PPP1R2: variants seen among roughly 807,000 people sequenced by gnomAD.
PPP1R2 encodes protein phosphatase 1 regulatory inhibitor subunit 2.
PPP1R2 carries 16 observed loss-of-function variants against 29.9 expected under a neutral mutation model. The ratio of observed to expected loss-of-function variants is 0.53; its 90% CI spans 0.36 to 0.81. The LOEUF (loss-of-function observed/expected upper bound fraction) is 0.81. PPP1R2 is among the 30% of genes least tolerant of loss of function. PPP1R2 has a pLI of 0.00. For synonymous variants in PPP1R2, 76 were observed against 91.5 expected, an observed-to-expected ratio of 0.83 and a Z score of 0.96; for missense variants, 197 against 252.7, an observed-to-expected ratio of 0.78 and a Z score of 1.49.
intron 1 of PPP1R2, among the ~76,000 whole-genome samples, chr3:195,532,630 C>T (rs1205187368): frequency 1.3e-5 from 2 of 152,094 alleles, no homozygotes; most frequent in Admixed American, 1.3e-4. Flanking sequence ...AAAAAATCTT[C>T]TCTTGGACTC....
Position 195,519,063 on chromosome 3 carries a change from C to T in PPP1R2, c.526G>A (p.Glu176Lys), listed in dbSNP as rs1323256416. The change falls in exon 5 of 6, where the codon GAG (glutamate) becomes AAG (lysine). Residue 176 changes from glutamate to lysine, a missense_variant. Physicochemically the swap from Glu to Lys is moderately conservative, Grantham distance 56. Coordinates refer to ENST00000618156, the MANE Select transcript of PPP1R2 (RefSeq NM_006241.8). ...HDDDEDEEML[E>K]TADGESMNTE... ...TTCATGCTTTCTCCATCTGCAGTCT[C>T]TAACATTTCTTCATCTTCATCATCA... 6 of 1,606,424 alleles carry T rather than the reference C, an allele frequency of 3.7e-6. No individual in the cohort carries two copies. The highest frequency in any genetic ancestry group is 5.1e-6 in the Non-Finnish European group (6 of 1,173,772).
At chr3:195,521,583 T>C (rs956935961) in intron 4 of PPP1R2, among the ~76,000 whole-genome samples, 1 of 152,100 alleles carries the variant, frequency 6.6e-6, no homozygotes, top group Non-Finnish European at 1.5e-5. Context: ...AAATATATTG[T>C]GCATTTGTTC....
chr3:195,528,584 GCAGTTACCT>G (rs1169015365), intron 2 of PPP1R2: 2 of 151,666 alleles, frequency 1.3e-5, no homozygotes, highest in Non-Finnish European at 2.9e-5. Flanking sequence ...AATGGAAACA[GCAGTTACCT>G]CTATTTTAAT....
At chr3:195,525,813 T>G (rs1186768049) in intron 2 of PPP1R2, among the ~76,000 whole-genome samples, 2 of 152,180 alleles carry the variant, frequency 1.3e-5, no homozygotes, top group Admixed American at 6.5e-5. Context: ...GTTTATACAT[T>G]TCCTGGTTAA....
In PPP1R2 at chr3:195,518,583, G is replaced by A. The variant is rs976142991; in HGVS notation, c.571+435C>T. 1.3e-4 allele frequency among the ~76,000 whole-genome samples: 20 copies of A among 151,894 alleles called. 1 individual carries two copies. Among genetic ancestry groups the A allele is most frequent in the East Asian group, 1.9e-4 (1 of 5,160 alleles). On this transcript the variant is annotated intron_variant, in intron 5 of 5. Transcript: ENST00000618156. Reference sequence around the variant, plus strand: ...GGAGAATGGCGGGAACCCAGGAGGCGGAGCTTGCAGTGAGCCGAGATCACG... The same window carrying A: ...GGAGAATGGCGGGAACCCAGGAGGCAGAGCTTGCAGTGAGCCGAGATCACG...
In PPP1R2 at chr3:195,519,039, T is replaced by A; in HGVS notation, c.550A>T (p.Asn184Tyr). The A allele has an allele frequency of 6.2e-7, 1 of 1,604,744 alleles. No homozygotes were observed. Among genetic ancestry groups the A allele is most frequent in the Non-Finnish European group, 8.5e-7 (1 of 1,172,534 alleles). Residue 184 changes from asparagine to tyrosine, a missense_variant, in exon 5 of 6, where the codon AAT (asparagine) becomes TAT (tyrosine). Coordinates refer to ENST00000618156, the MANE Select transcript of PPP1R2 (RefSeq NM_006241.8). The stretch of plus-strand genomic sequence containing the variant: ...TAACCTTGATTTGATTCTTCCGTAT[T>A]CATGCTTTCTCCATCTGCAGTCTCT... ...MLETADGESMNTEESNQGSTP... is the reference protein window; with the variant it reads ...MLETADGESMYTEESNQGSTP...
chr3:195,530,560 C>G (rs1719138763), intron 1 of PPP1R2, among the ~76,000 whole-genome samples: 1 of 152,252 alleles, frequency 6.6e-6, no homozygotes, highest in Admixed American at 6.5e-5. Flanking sequence ...GAGTCTCACT[C>G]TGTTGCCCAG....
At chr3:195,542,458 G>T (rs542361628) in intron 1 of PPP1R2, among the ~76,000 whole-genome samples, 1 of 152,164 alleles carries the variant, frequency 6.6e-6, no homozygotes, top group African/African-American at 2.4e-5. Flanking sequence ...GTGGCACAAT[G>T]CTAATGGGGG....
At chr3:195,534,939 A>G (rs1719320207) in intron 1 of PPP1R2, among the ~76,000 whole-genome samples, 1 of 152,084 alleles carries the variant, frequency 6.6e-6, no homozygotes, top group Non-Finnish European at 1.5e-5. Flanking sequence ...TCAACCCTAT[A>G]AAGGTGTCAA....
chr3:195,530,230 C>T (rs1026720091), intron 1 of PPP1R2, among the ~76,000 whole-genome samples: 5 of 152,162 alleles, frequency 3.3e-5, no homozygotes, highest in Admixed American at 1.3e-4. Flanking sequence ...TCTATACATT[C>T]GCTGAAGTCA....
At position 195,519,073 on chromosome 3, in the gene PPP1R2, T is replaced by C. The variant is rs1361320065; in HGVS notation, c.516A>G (p.Glu172=). 2.5e-6 allele frequency: 4 copies of C among 1,605,876 alleles called. No homozygotes were observed. The highest frequency in any genetic ancestry group is 3.4e-6 in the Non-Finnish European group (4 of 1,172,736). The change falls in exon 5 of 6, where the codon GAA becomes GAG. Residue 172 remains glutamate, a synonymous_variant. Coordinates refer to ENST00000618156, the MANE Select transcript of PPP1R2 (RefSeq NM_006241.8). The part of the protein sequence containing the change: ...SKDLHDDDED[E]EMLETADGES... ...CTCCATCTGCAGTCTCTAACATTTC[T>C]TCATCTTCATCATCATCATGTAGGT...
chr3:195,528,742 G>T (rs2108946325), intron 2 of PPP1R2: 2 of 85,418 alleles, frequency 2.3e-5, no homozygotes, highest in Non-Finnish European at 4.3e-5. Flanking sequence ...TGTAGAAAGA[G>T]TCTTACTATG....
chr3:195,530,211 A>G (rs193252366), intron 1 of PPP1R2, among the ~76,000 whole-genome samples: 178 of 152,358 alleles, frequency 1.2e-3, no homozygotes, highest in African/African-American at 4.0e-3. Flanking sequence ...AAAATAATGC[A>G]AGTCAAAATC....
chr3:195,541,452 T>G (rs1719592187), intron 1 of PPP1R2, among the ~76,000 whole-genome samples: 1 of 134,168 alleles, frequency 7.5e-6, no homozygotes. Context: ...TTTCTTTTCT[T>G]TCCTTTTTTT....
In PPP1R2 at chr3:195,516,665, CTGA is replaced by C; in HGVS notation, c.*228_*230del. On this transcript the variant is annotated 3_prime_UTR_variant, in exon 6 of 6. Transcript: ENST00000618156. ...TTTACAAAAGTAATGCAGTTTTGGA[CTGA>C]TGATATTACACTGTATTTGTGGTAA... 1 of 449,032 alleles carries C rather than the reference CTGA, an allele frequency of 2.2e-6. No individual in the cohort carries two copies. 27.8% of individuals were successfully genotyped at this position (449,032 alleles called of 1,614,324 possible). A position where few individuals can be genotyped will look rare whatever the true frequency, so the allele number is the denominator to read the frequency against.
intron 2 of PPP1R2, among the ~76,000 whole-genome samples, chr3:195,526,826 G>A (rs1190427295): frequency 6.6e-6 from 1 of 152,126 alleles, no homozygotes; most frequent in African/African-American, 2.4e-5. Flanking sequence ...TGGTTGCCCA[G>A]GCTGGAGTGC....
chr3:195,536,868 C>T (rs978250651), intron 1 of PPP1R2, among the ~76,000 whole-genome samples: 2 of 151,208 alleles, frequency 1.3e-5, no homozygotes, highest in Non-Finnish European at 2.9e-5. Context: ...GAGGAAAGAC[C>T]TCTGGAGTTT....
chr3:195,532,714 A>C (rs1719234280), intron 1 of PPP1R2, among the ~76,000 whole-genome samples: 1 of 152,080 alleles, frequency 6.6e-6, no homozygotes, highest in African/African-American at 2.4e-5. Flanking sequence ...TTTTTTCAAC[A>C]AATCTACTGG....
chr3:195,526,530 T>C (rs1718977274), intron 2 of PPP1R2, among the ~76,000 whole-genome samples: 2 of 152,196 alleles, frequency 1.3e-5, no homozygotes, highest in Admixed American at 1.3e-4. Context: ...CAAATAACTT[T>C]TCTGGTTATT....
Sources: allele counts gnomAD v4.1 joint callset (sites outside exome capture counted in the v4.1 genomes callset), GRCh38; gene constraint gnomAD v4.1.1; transcripts MANE v1.5; gene names NCBI Gene and HGNC (gene_info 2026-07-23, HGNC 2026-07-21).